Variants in NEK7 observed in about 807,000 individuals in gnomAD.
NEK7 encodes NIMA related kinase 7, also known as serine/threonine-protein kinase Nek7.
In NEK7, 18 loss-of-function variants were observed where a neutral mutation model predicts 44.6. The observed-to-expected ratio is 0.40, with a 90% CI of 0.28 to 0.60. The LOEUF is 0.60. NEK7 is among the 20% of genes least tolerant of loss of function. NEK7 has a pLI of 0.38. For synonymous variants in NEK7, 130 were observed against 121.1 expected, an observed-to-expected ratio of 1.07 and a Z score of -0.48; for missense variants, 256 against 366.5, an observed-to-expected ratio of 0.70 and a Z score of 2.46.
intron 8 of NEK7, among the ~76,000 whole-genome samples, chr1:198,295,806 CTATTATTATTATTAT>C (rs35583566): frequency 3.4e-5 from 5 of 146,448 alleles, no homozygotes; most frequent in African/African-American, 7.5e-5. Flanking sequence ...ACAAAAACCA[CTATTATTATTATTAT>C]TATTATTATT....
intron 1 of NEK7, among the ~76,000 whole-genome samples, chr1:198,170,078 A>G (rs1017186258): frequency 7.0e-6 from 1 of 143,532 alleles, no homozygotes; most frequent in Non-Finnish European, 1.5e-5. Flanking sequence ...AGGCCCACAG[A>G]ACATGGTATG....
intron 2 of NEK7, 108 bp downstream of exon 2, chr1:198,232,745 T>A: frequency 1.7e-6 from 1 of 601,874 alleles, no homozygotes; most frequent in Non-Finnish European, 2.8e-6. Context: ...AGCACAAAAG[T>A]GCTAATTTTG....
At chr1:198,273,522 A>T in intron 5 of NEK7, among the ~76,000 whole-genome samples, 1 of 151,756 alleles carries the variant, frequency 6.6e-6, no homozygotes, top group East Asian at 1.9e-4. Context: ...CTGTGAATTT[A>T]ATTCTTTGAA....
chr1:198,308,645 C>T (rs948891726), intron 9 of NEK7, among the ~76,000 whole-genome samples: 2 of 152,236 alleles, frequency 1.3e-5, no homozygotes, highest in African/African-American at 2.4e-5. Flanking sequence ...ATTTCTCCCT[C>T]TTGCCTTAAA....
intron 9 of NEK7, among the ~76,000 whole-genome samples, chr1:198,313,716 T>G (rs1198766996): frequency 2.4e-5 from 3 of 122,844 alleles, no homozygotes; most frequent in Admixed American, 1.8e-4. Flanking sequence ...TTTGGCTGGA[T>G]ATGAAATTCT....
chr1:198,301,500 A>C (rs946117978), intron 9 of NEK7, among the ~76,000 whole-genome samples: 5 of 152,258 alleles, frequency 3.3e-5, no homozygotes, highest in African/African-American at 1.2e-4. Context: ...CAGTGAGCCG[A>C]GATCGCGCCA....
intron 3 of NEK7, among the ~76,000 whole-genome samples, chr1:198,258,006 C>T (rs1408274821): frequency 1.3e-5 from 2 of 152,030 alleles, no homozygotes; most frequent in Admixed American, 6.6e-5. Flanking sequence ...AAGGAAATGA[C>T]CATGCTGTGG....
intron 9 of NEK7, among the ~76,000 whole-genome samples, chr1:198,315,528 G>A (rs1443168115): frequency 1.3e-5 from 2 of 152,206 alleles, no homozygotes; most frequent in Non-Finnish European, 2.9e-5. Context: ...TAAAGTTGAA[G>A]CATCACCTGG....
chr1:198,190,820 G>A (rs991746116), intron 1 of NEK7, among the ~76,000 whole-genome samples: 3 of 151,976 alleles, frequency 2.0e-5, no homozygotes, highest in African/African-American at 7.2e-5. Context: ...CCAACATATG[G>A]AATTTGTTAT....
chr1:198,268,145 C>CTT (rs56262835), intron 5 of NEK7, among the ~76,000 whole-genome samples: 3 of 146,402 alleles, frequency 2.0e-5, no homozygotes, highest in Admixed American at 6.8e-5. Flanking sequence ...CAGTCCTTGA[C>CTT]TTTTTTTTTT....
intron 2 of NEK7, 80 bp from the exon 3 acceptor site, chr1:198,252,960 A>G (rs1454641622): frequency 8.4e-6 from 10 of 1,188,540 alleles, no homozygotes; most frequent in East Asian, 4.8e-5. Context: ...TGTCACCTAC[A>G]TATATGAAAA....
chr1:198,165,347 A>G (rs973501329), intron 1 of NEK7, among the ~76,000 whole-genome samples: 1 of 152,214 alleles, frequency 6.6e-6, no homozygotes, highest in African/African-American at 2.4e-5. Flanking sequence ...ATCACTGTTT[A>G]TGACAGCTAT....
intron 1 of NEK7, among the ~76,000 whole-genome samples, chr1:198,173,084 G>T (rs1003371692): frequency 6.6e-6 from 1 of 152,196 alleles, no homozygotes. Context: ...AGCAGCAGAG[G>T]AGTCTGTCTA....
intron 1 of NEK7, among the ~76,000 whole-genome samples, chr1:198,182,919 A>G (rs950018813): frequency 1.3e-5 from 2 of 152,216 alleles, no homozygotes; most frequent in African/African-American, 2.4e-5. Flanking sequence ...CCACTAGAGT[A>G]TACCATAGTA....
intron 1 of NEK7, among the ~76,000 whole-genome samples, chr1:198,212,269 T>C (rs566187593): frequency 7.6e-4 from 116 of 152,300 alleles, no homozygotes; most frequent in African/African-American, 2.4e-3. Flanking sequence ...TGGATGCCCC[T>C]GTGTCACAGG....
chr1:198,209,115 T>A (rs556420118), intron 1 of NEK7, among the ~76,000 whole-genome samples: 6 of 146,076 alleles, frequency 4.1e-5, no homozygotes, highest in African/African-American at 1.5e-4. Flanking sequence ...ACACATGTAA[T>A]ATACACATAT....
intron 1 of NEK7, among the ~76,000 whole-genome samples, chr1:198,159,159 C>T (rs962871862): frequency 7.9e-5 from 12 of 152,194 alleles, no homozygotes; most frequent in African/African-American, 2.9e-4. Context: ...GCCTTCGCAG[C>T]CAATGCGCAG....
At chr1:198,158,830 C>T (rs567859969) in intron 1 of NEK7, among the ~76,000 whole-genome samples, 2 of 152,166 alleles carry the variant, frequency 1.3e-5, no homozygotes, top group African/African-American at 4.8e-5. Context: ...GCTTGCTTCA[C>T]TCTTAGAACA....
intron 1 of NEK7, among the ~76,000 whole-genome samples, chr1:198,232,238 T>A (rs1320680122): frequency 6.6e-6 from 1 of 152,038 alleles, no homozygotes; most frequent in Non-Finnish European, 1.5e-5. Flanking sequence ...TTACTTAGCT[T>A]CTCATAGTGG....
Sources: gnomAD v4.1 joint callset for allele counts (sites outside exome capture counted in the v4.1 genomes callset) on GRCh38, gnomAD v4.1.1 for gene constraint, MANE v1.5 for transcripts, NCBI Gene and HGNC (gene_info 2026-07-23, HGNC 2026-07-21) for gene names.